Variants in SH3BP5 observed in about 807,000 individuals in gnomAD.
The protein encoded by SH3BP5 is SH3 domain-binding protein 5.
In SH3BP5, 22 loss-of-function variants were observed where a neutral mutation model predicts 43.3. The observed-to-expected ratio is 0.51, with a 90% CI of 0.36 to 0.73. The LOEUF is 0.73. Ranked by LOEUF, SH3BP5 falls within the 30% of genes least tolerant of loss-of-function variation. SH3BP5 has a pLI of 0.00. For missense variants in SH3BP5, 529 were observed against 586.9 expected (o/e 0.90, Z 1.02); for synonymous variants, 255 against 225.8 (o/e 1.13, Z -1.16).
At chr3:15,322,080 T>C (rs965179391) in intron 2 of SH3BP5, among the ~76,000 whole-genome samples, 2 of 152,048 alleles carry the variant, frequency 1.3e-5, no homozygotes, top group Non-Finnish European at 2.9e-5. Context: ...GGTGGGCTCC[T>C]GTAATCCAGC....
At chr3:15,311,192 G>A (rs1044440949) in intron 2 of SH3BP5, among the ~76,000 whole-genome samples, 2 of 152,176 alleles carry the variant, frequency 1.3e-5, no homozygotes, top group Non-Finnish European at 2.9e-5. Context: ...GGCAGAAAGA[G>A]GTTTCCCAGG....
Position 15,255,233 on chromosome 3 carries a change from AT to A in SH3BP5, c.*852del, listed in dbSNP as rs1696152491. On this transcript the variant is annotated 3_prime_UTR_variant, in exon 9 of 9. Coordinates refer to ENST00000383791, the MANE Select transcript of SH3BP5 (RefSeq NM_004844.5). ...TGCAGCATAACCCTTAAATAATTTC[AT>A]TTATTTTTAAAGTTACAACCTACAG... is the stretch of plus-strand genomic sequence containing the variant. 6.6e-6 allele frequency: 1 copy of A among 152,632 alleles called. No homozygotes were observed. The highest frequency in any genetic ancestry group is 1.5e-5 in the Non-Finnish European group (1 of 68,016). 9.5% of individuals were successfully genotyped at this position (152,632 alleles called of 1,614,324 possible).
rs1696775566 is a variant in SH3BP5 at position 15,270,820 on chromosome 3, G to T, written c.331-943C>A. On this transcript the variant is annotated intron_variant, in intron 3 of 8. Transcript: ENST00000383791. ...GGGCACCTATAATCCCAGCTACTTG[G>T]GAGGCTGAGGCAGAAGAATCACTTG... Among the ~76,000 whole-genome samples the T allele has an allele frequency of 1.3e-5, 2 of 151,520 alleles. 1 individual carries two copies. Among genetic ancestry groups the T allele is most frequent in the South Asian group, 4.2e-4 (2 of 4,794 alleles).
chr3:15,337,907 C>T, intron 1 of SH3BP5, among the ~76,000 whole-genome samples: 2 of 128,514 alleles, frequency 1.6e-5, no homozygotes, highest in Non-Finnish European at 3.2e-5. Context: ...AGAGTGAGAC[C>T]CTGACTCAAA....
At chr3:15,311,654 T>C (rs940299861) in intron 2 of SH3BP5, among the ~76,000 whole-genome samples, 4 of 152,130 alleles carry the variant, frequency 2.6e-5, no homozygotes, top group Admixed American at 6.5e-5. Flanking sequence ...GCGTTAGATG[T>C]AAGCAGACAT....
rs533579432 is a variant in SH3BP5, at chr3:15,299,152, G to A, written c.330+4951C>T. ...AGCAAGATACACCCTGCTTTTCAGC[G>A]TCATTGATTCACATGGGCTCCGCCC... is the stretch of plus-strand genomic sequence containing the variant. On this transcript the variant is annotated intron_variant, in intron 3 of 8. Coordinates refer to ENST00000383791, the MANE Select transcript of SH3BP5 (RefSeq NM_004844.5). Among the ~76,000 whole-genome samples the A allele has an allele frequency of 1.6e-4, 25 of 152,300 alleles. 1 individual carries two copies. The highest frequency in any genetic ancestry group is 5.1e-4 in the African/African-American group (21 of 41,560).
intron 3 of SH3BP5, among the ~76,000 whole-genome samples, chr3:15,296,446 G>A (rs1045593504): frequency 1.3e-5 from 2 of 152,096 alleles, no homozygotes; most frequent in African/African-American, 4.8e-5. Context: ...AGACTGCCAT[G>A]AGGGGAATGT....
chr3:15,333,139 G>A, upstream of SH3BP5: 1 of 985,468 alleles, frequency 1.0e-6, no homozygotes, highest in Non-Finnish European at 1.2e-6. Context: ...TAAGGAGGTG[G>A]CAAGTGTAAC....
intron 3 of SH3BP5, among the ~76,000 whole-genome samples, chr3:15,302,918 C>A (rs1697793119): frequency 6.6e-6 from 1 of 152,056 alleles, no homozygotes; most frequent in Admixed American, 6.5e-5. Context: ...AAGCGATTCT[C>A]ATGCCTCTGC....
At chr3:15,289,088 T>C (rs1035839904) in intron 3 of SH3BP5, among the ~76,000 whole-genome samples, 2 of 152,240 alleles carry the variant, frequency 1.3e-5, no homozygotes, top group East Asian at 1.9e-4. Flanking sequence ...TTATGCCTGC[T>C]CTGTGGGTAA....
chr3:15,285,083 A>G (rs1227130093), intron 3 of SH3BP5, among the ~76,000 whole-genome samples: 2 of 152,198 alleles, frequency 1.3e-5, no homozygotes, highest in African/African-American at 2.4e-5. Flanking sequence ...GTGTTACTGA[A>G]TTTAATTCCC....
chr3:15,276,169 G>C (rs1696961573), intron 3 of SH3BP5: 1 of 152,010 alleles, frequency 6.6e-6, no homozygotes. Context: ...AGAGAAGCCT[G>C]GCATTGTTGA....
chr3:15,279,796 G>T (rs1336623777), intron 3 of SH3BP5, among the ~76,000 whole-genome samples: 1 of 152,112 alleles, frequency 6.6e-6, no homozygotes, highest in African/African-American at 2.4e-5. Flanking sequence ...GGGCATCAGG[G>T]AAGGTTCATC....
At chr3:15,301,135 C>T (rs953853088) in intron 3 of SH3BP5, among the ~76,000 whole-genome samples, 3 of 152,116 alleles carry the variant, frequency 2.0e-5, no homozygotes, top group Non-Finnish European at 2.9e-5. Flanking sequence ...GAAATCTGCT[C>T]CAGGATGTGT....
intron 1 of SH3BP5, among the ~76,000 whole-genome samples, chr3:15,339,462 A>C (rs1698738106): frequency 6.6e-6 from 1 of 152,206 alleles, no homozygotes; most frequent in African/African-American, 2.4e-5. Flanking sequence ...CTGTAATCCC[A>C]GCACTTTGGG....
rs1696306442 is a variant in SH3BP5 at position 15,258,464 on chromosome 3, A to G, written c.889+367T>C. ...GGTGAAGAAACTGAAATACAAAGTT[A>G]GGCCCTTGCCCACATCATGCCTTAG... On this transcript the variant is annotated intron_variant, in intron 7 of 8. Coordinates refer to ENST00000383791, the MANE Select transcript of SH3BP5 (RefSeq NM_004844.5). 2.3e-5 allele frequency: 6 copies of G among 263,418 alleles called. No individual in the cohort carries two copies. The South Asian group carries it at 3.1e-4, about 14-fold the overall frequency. 16.3% of individuals were successfully genotyped at this position (263,418 alleles called of 1,614,324 possible). A position where few individuals can be genotyped will look rare whatever the true frequency, so the allele number is the denominator to read the frequency against.
chr3:15,311,093 T>C (rs1698045392), intron 2 of SH3BP5, among the ~76,000 whole-genome samples: 1 of 152,186 alleles, frequency 6.6e-6, no homozygotes, highest in Admixed American at 6.5e-5. Flanking sequence ...ATGGTGATGT[T>C]TTAAAAATAA....
chr3:15,256,085 A>G lies in SH3BP5; in HGVS notation c.*1T>C, dbSNP rs1696184397. 1.9e-6 allele frequency: 3 copies of G among 1,610,970 alleles called. No homozygotes were observed. The highest frequency in any genetic ancestry group is 2.5e-6 in the Non-Finnish European group (3 of 1,177,296). Reference sequence around the variant, plus strand: ...GCACATCGGCCAGGGCCCAGGATGAATCAGCCAATCTGCACCATTTTTATG... The same window carrying G: ...GCACATCGGCCAGGGCCCAGGATGAGTCAGCCAATCTGCACCATTTTTATG... On this transcript the variant is annotated 3_prime_UTR_variant, in exon 9 of 9. Transcript: ENST00000383791.
chr3:15,337,371 G>A (rs148548913), upstream of SH3BP5, among the ~76,000 whole-genome samples: 18 of 152,126 alleles, frequency 1.2e-4, no homozygotes, highest in Admixed American at 2.0e-4. Flanking sequence ...CACCGTGCCC[G>A]GCCAAGAGTT....
Sources: gnomAD v4.1 joint callset for allele counts (sites outside exome capture counted in the v4.1 genomes callset) on GRCh38, gnomAD v4.1.1 for gene constraint, MANE v1.5 for transcripts, NCBI Gene and HGNC (gene_info 2026-07-23, HGNC 2026-07-21) for gene names.